ITGA11: variants seen among roughly 807,000 people sequenced by gnomAD.
ITGA11 encodes the protein integrin subunit alpha 11, also known as integrin alpha-11.
A neutral mutation model predicts 141.9 loss-of-function variants in ITGA11; 97 were observed. That is an observed-to-expected ratio of 0.68 (90% CI 0.58 to 0.81). The LOEUF is 0.81. Among genes scored for constraint, ITGA11 ranks in the 30% least tolerant of loss-of-function variants. The pLI, the probability that ITGA11 is intolerant of heterozygous loss-of-function variation, is 0.00. For synonymous variants in ITGA11, 658 were observed against 624.6 expected (o/e 1.05, Z -0.80); for missense variants, 1,387 against 1,559.2 (o/e 0.89, Z 1.86).
intron 16 of ITGA11, among the ~76,000 whole-genome samples, chr15:68,327,741 C>T (rs929505741): frequency 3.5e-5 from 4 of 112,780 alleles, no homozygotes; most frequent in Non-Finnish European, 8.0e-5. Context: ...AGCACCCCCC[C>T]TGTAGGACTC....
intron 2 of ITGA11, among the ~76,000 whole-genome samples, chr15:68,402,695 T>C (rs1166459782): frequency 3.9e-5 from 6 of 152,210 alleles, no homozygotes; most frequent in Non-Finnish European, 8.8e-5. Context: ...CATTCCCATT[T>C]CACAGATGAG....
At chr15:68,424,448 GT>G (rs1229428066) in intron 1 of ITGA11, among the ~76,000 whole-genome samples, 1 of 152,070 alleles carries the variant, frequency 6.6e-6, no homozygotes, top group Non-Finnish European at 1.5e-5. Context: ...TTGGATGCCC[GT>G]TAGAATTATT....
At chr15:68,419,967 A>C (rs1420081574) in intron 1 of ITGA11, among the ~76,000 whole-genome samples, 1 of 152,124 alleles carries the variant, frequency 6.6e-6, no homozygotes, top group Non-Finnish European at 1.5e-5. Flanking sequence ...ACAGGCTCCT[A>C]ATATGGACTT....
At chr15:68,318,227 G>T (rs1443120699) in intron 20 of ITGA11, among the ~76,000 whole-genome samples, 1 of 151,968 alleles carries the variant, frequency 6.6e-6, no homozygotes, top group African/African-American at 2.4e-5. Flanking sequence ...TGGGGACACA[G>T]CACTTCACAG....
At chr15:68,349,166 G>A (rs1167401756) in intron 9 of ITGA11, among the ~76,000 whole-genome samples, 3 of 152,192 alleles carry the variant, frequency 2.0e-5, no homozygotes, top group Admixed American at 1.3e-4. Flanking sequence ...AAAAGGGCTC[G>A]GGACAACTTA....
At chr15:68,338,160 G>A (rs920444581) in intron 11 of ITGA11, among the ~76,000 whole-genome samples, 5 of 152,234 alleles carry the variant, frequency 3.3e-5, no homozygotes, top group African/African-American at 1.2e-4. Context: ...GTACACTTGG[G>A]AGGAAACACA....
chr15:68,389,496 G>A (rs1401162378), intron 2 of ITGA11, among the ~76,000 whole-genome samples: 1 of 152,224 alleles, frequency 6.6e-6, no homozygotes, highest in Non-Finnish European at 1.5e-5. Flanking sequence ...CTGAGGCAGA[G>A]GGACTAGAGA....
intron 5 of ITGA11, among the ~76,000 whole-genome samples, chr15:68,361,250 A>G (rs1895235052): frequency 6.6e-6 from 1 of 152,226 alleles, no homozygotes; most frequent in Non-Finnish European, 1.5e-5. Flanking sequence ...CAATTCCCCC[A>G]GAATTGTGCA....
In ITGA11 at chr15:68,321,167, T is replaced by C. The variant is rs1595857577; in HGVS notation, c.2408+251A>G. The stretch of plus-strand genomic sequence containing the variant: ...TGTGGGCTCCGAAGAAAGGGTTTCT[T>C]TTTTTTTTTTTTTTTAACAAAATTT... On this transcript the variant is annotated intron_variant, in intron 19 of 29. Coordinates refer to ENST00000315757, the MANE Select transcript of ITGA11 (RefSeq NM_001004439.2). This position sits in a 1 kb window ranked among gnomAD's most constrained non-coding sequence, Gnocchi z 4.9. Among the ~76,000 whole-genome samples the C allele has an allele frequency of 4.8e-4, 1 of 2,100 alleles. No homozygotes were observed. The highest frequency in any genetic ancestry group is 0.016 in the South Asian group (1 of 64). The allele number at this position is 2,100 out of a possible 152,430, so 1.4% of individuals were successfully genotyped here. A position where few individuals can be genotyped will look rare whatever the true frequency, so the allele number is the denominator to read the frequency against.
In ITGA11 at chr15:68,305,529, T is replaced by G. The variant is rs1313325116; in HGVS notation, c.3382-1644A>C. On this transcript the variant is annotated intron_variant, in intron 28 of 29. Transcript: ENST00000315757. The surrounding 1 kb of genome is among the most constrained non-coding windows in gnomAD (Gnocchi z 4.6). ...GAGCTCAGCTAACACGTGGAGTGAATGGACCACCTGCAACAGCAGACAGAG... is the reference window on the plus strand; with the variant it reads ...GAGCTCAGCTAACACGTGGAGTGAAGGGACCACCTGCAACAGCAGACAGAG... Among the ~76,000 whole-genome samples the G allele has an allele frequency of 1.3e-5, 2 of 152,126 alleles. No individual in the cohort carries two copies. Among genetic ancestry groups the G allele is most frequent in the African/African-American group, 4.8e-5 (2 of 41,414 alleles).
At chr15:68,368,015 C>T (rs542034131) in intron 3 of ITGA11, among the ~76,000 whole-genome samples, 23 of 152,346 alleles carry the variant, frequency 1.5e-4, no homozygotes, top group Admixed American at 1.2e-3. Context: ...AACTTCCCAC[C>T]CATGGTGCTG....
intron 5 of ITGA11, among the ~76,000 whole-genome samples, chr15:68,359,600 C>T (rs142757083): frequency 0.055 from 8,306 of 152,032 alleles, 785 homozygotes; most frequent in African/African-American, 0.19. Flanking sequence ...GAGCCAAGAT[C>T]GGGCCACTAC....
chr15:68,306,022 TA>T (rs34840804), intron 28 of ITGA11, among the ~76,000 whole-genome samples: 1,534 of 127,990 alleles, frequency 0.012, 14 homozygotes, highest in African/African-American at 0.034. Flanking sequence ...CTGTCTCTAC[TA>T]AAAAAAAAAA....
intron 21 of ITGA11, among the ~76,000 whole-genome samples, chr15:68,316,714 C>T (rs1052094078): frequency 1.4e-4 from 22 of 152,232 alleles, no homozygotes; most frequent in African/African-American, 3.1e-4. Context: ...CCCAAGTCCA[C>T]GCAGCTTGGC....
rs1894871703 is a variant in ITGA11, at chr15:68,350,512, C to T, written c.1060+105G>A. 2.7e-6 allele frequency: 3 copies of T among 1,124,982 alleles called. No individual in the cohort carries two copies. The South Asian group carries it at 4.9e-5, about 19-fold the overall frequency. The allele number at this position is 1,124,982 out of a possible 1,614,324, so 69.7% of individuals were successfully genotyped here. On this transcript the variant is annotated intron_variant, in intron 9 of 29. Transcript: ENST00000315757. ...GCCTGGCATTTATTATTACGGAAGA[C>T]TCTTGTTAAGCCATTTCGTTTTGTG...
rs552284287 is a variant in ITGA11, at chr15:68,431,351, C to T, written c.52+664G>A. Among the ~76,000 whole-genome samples, 159 of 152,334 alleles carry T rather than the reference C, an allele frequency of 1.0e-3. 1 individual carries two copies. The highest frequency in any genetic ancestry group is 3.8e-3 in the African/African-American group (156 of 41,584). ...CCGAGCGCGGGTTGGGAGGCAATGC[C>T]GGGTCCCTACCCCGGGTGTCAGGTA... On this transcript the variant is annotated intron_variant, in intron 1 of 29. Transcript: ENST00000315757.
rs555830642 is a variant in ITGA11 at position 68,328,514 on chromosome 15, C to T, written c.1902-252G>A. Among the ~76,000 whole-genome samples the T allele has an allele frequency of 3.0e-3, 453 of 152,266 alleles. 3 individuals carry two copies. Among genetic ancestry groups the T allele is most frequent in the African/African-American group, 0.01 (424 of 41,546 alleles). On this transcript the variant is annotated intron_variant, in intron 15 of 29. Coordinates refer to ENST00000315757, the MANE Select transcript of ITGA11 (RefSeq NM_001004439.2). The surrounding 1 kb of genome is among the most constrained non-coding windows in gnomAD (Gnocchi z 4.8). ...CCATGCAGCCCCTCAGCACTTTCCCCGAGGGGCTGTGCTCGCTGTGGATCA... is the reference window on the plus strand; with the variant it reads ...CCATGCAGCCCCTCAGCACTTTCCCTGAGGGGCTGTGCTCGCTGTGGATCA...
At chr15:68,380,673 C>T (rs2140375864) in intron 2 of ITGA11, among the ~76,000 whole-genome samples, 1 of 152,292 alleles carries the variant, frequency 6.6e-6, no homozygotes, top group Non-Finnish European at 1.5e-5. Context: ...AGGGCTGGGG[C>T]TCACAGGGAG....
At chr15:68,317,495 T>A (rs1516871) in intron 20 of ITGA11, 132 bp from the exon 21 acceptor site, 1 of 680,744 alleles carries the variant, frequency 1.5e-6, no homozygotes, top group South Asian at 1.7e-5. Context: ...TATGAAAGCC[T>A]GGACCACAGC....
Sources: gnomAD v4.1 joint callset for allele counts (sites outside exome capture counted in the v4.1 genomes callset) on GRCh38, gnomAD v4.1.1 for gene constraint, Gnocchi (gnomAD v3.1) non-coding constraint, MANE v1.5 for transcripts, NCBI Gene and HGNC (gene_info 2026-07-23, HGNC 2026-07-21) for gene names.